The following MED10 variants were observed in gnomAD, a reference collection of about 807,000 sequenced individuals.
MED10 encodes mediator of RNA polymerase II transcription subunit 10.
Under a neutral mutation model 17.2 loss-of-function variants are expected in MED10, and 9 were observed. The ratio of observed to expected loss-of-function variants is 0.52; its 90% CI spans 0.31 to 0.91. The LOEUF is 0.91. MED10 is among the 40% of genes least tolerant of loss of function. The probability of loss-of-function intolerance (pLI) is 0.04; values close to 1 mark genes in which losing one functional copy is unlikely to be tolerated. For synonymous variants in MED10, 66 were observed against 59.8 expected, an observed-to-expected ratio of 1.10 and a Z score of -0.48; for missense variants, 129 against 164.8, an observed-to-expected ratio of 0.78 and a Z score of 1.19.
At chr5:6,373,572 A>C (rs1737930249) in intron 3 of MED10, among the ~76,000 whole-genome samples, 1 of 151,960 alleles carries the variant, frequency 6.6e-6, no homozygotes, top group East Asian at 1.9e-4. Context: ...AGATGACAGG[A>C]GAAAAGAACA....
Position 6,372,356 on chromosome 5 carries a change from T to G in MED10, c.*147A>C. On this transcript the variant is annotated 3_prime_UTR_variant, in exon 4 of 4. Transcript: ENST00000255764. ...CCTCTCCTCCAGCCCCTCGGTCCCA[T>G]GAGGCCAAACAATGAGGACAGAGGG... The G allele has an allele frequency of 2.8e-4, 178 of 645,980 alleles. No homozygotes were observed. The highest frequency in any genetic ancestry group is 3.3e-4 in the East Asian group (12 of 36,658). The allele number at this position is 645,980 out of a possible 1,614,324, so 40.0% of individuals were successfully genotyped here.
intron 3 of MED10, among the ~76,000 whole-genome samples, chr5:6,373,275 T>C (rs1022887658): frequency 2.6e-5 from 4 of 152,192 alleles, no homozygotes; most frequent in Non-Finnish European, 4.4e-5. Context: ...TGACCATCCC[T>C]GCCTGCGCAC....
intron 3 of MED10, among the ~76,000 whole-genome samples, chr5:6,373,637 C>T (rs1038272409): frequency 4.6e-5 from 7 of 152,046 alleles, no homozygotes; most frequent in African/African-American, 1.7e-4. Flanking sequence ...GCGTGGATGG[C>T]CGGGAGGAGG....
At chr5:6,373,161 G>T (rs1018047322) in intron 3 of MED10, among the ~76,000 whole-genome samples, 5 of 152,128 alleles carry the variant, frequency 3.3e-5, no homozygotes, top group African/African-American at 1.2e-4. Flanking sequence ...CACCTGAATG[G>T]GATTCTGGAA....
chr5:6,372,236 C>G lies in MED10; in HGVS notation c.*267G>C, dbSNP rs1304074590. On this transcript the variant is annotated 3_prime_UTR_variant, in exon 4 of 4. Coordinates refer to ENST00000255764, the MANE Select transcript of MED10 (RefSeq NM_032286.3). ...ACTATTTTCCTGCGCCTCATCTGCC[C>G]TCAGAGAGAATGATCCCCACAGTGA... The G allele has an allele frequency of 7.2e-6, 3 of 415,440 alleles. No homozygotes were observed. The highest frequency in any genetic ancestry group is 6.0e-5 in the African/African-American group (3 of 49,622). The allele number at this position is 415,440 out of a possible 1,614,324, so 25.7% of individuals were successfully genotyped here.
chr5:6,375,324 C>T lies in MED10; in HGVS notation c.207-898G>A, dbSNP rs748392403. On this transcript the variant is annotated intron_variant, in intron 2 of 3. Coordinates refer to ENST00000255764, the MANE Select transcript of MED10 (RefSeq NM_032286.3). ...AAAAACTGAAAACTAACTCTACTTT[C>T]GAATTTTATAATTGAGGCCAAAAAT... Among the ~76,000 whole-genome samples, 116 of 152,196 alleles carry T rather than the reference C, an allele frequency of 7.6e-4. No individual in the cohort carries two copies. In the South Asian group the frequency reaches 0.011, roughly 14 times the overall value.
chr5:6,378,503 C>T lies in MED10; in HGVS notation c.-20G>A, dbSNP rs754033711. ...CGCCATCGCCTCGGCCCGTCCCCGA[C>T]CCACACAGCCTCAACCAGCAGCGCC... On this transcript the variant is annotated 5_prime_UTR_variant, in exon 1 of 4. Coordinates refer to ENST00000255764, the MANE Select transcript of MED10 (RefSeq NM_032286.3). 2 of 1,605,618 alleles carry T rather than the reference C, an allele frequency of 1.2e-6. No homozygotes were observed. The highest frequency in any genetic ancestry group is 4.5e-5 in the East Asian group (2 of 44,594).
intron 2 of MED10, among the ~76,000 whole-genome samples, chr5:6,375,427 T>A (rs931263072): frequency 2.6e-5 from 4 of 152,230 alleles, no homozygotes; most frequent in Non-Finnish European, 5.9e-5. Context: ...TAGCAAAAGA[T>A]AAAAACATCA....
In MED10 at chr5:6,372,466, A is replaced by G. The variant is rs557040553; in HGVS notation, c.*37T>C. 27 of 1,569,230 alleles carry G rather than the reference A, an allele frequency of 1.7e-5. No individual in the cohort carries two copies. The South Asian group carries it at 2.1e-4, about 12-fold the overall frequency. ...CAGTCCCAGCCTCACGCCGCATCGCAGTCCCAGGGGATCTTCACACAGGGA... is the reference window on the plus strand; with the variant it reads ...CAGTCCCAGCCTCACGCCGCATCGCGGTCCCAGGGGATCTTCACACAGGGA... On this transcript the variant is annotated 3_prime_UTR_variant, in exon 4 of 4. Coordinates refer to ENST00000255764, the MANE Select transcript of MED10 (RefSeq NM_032286.3).
chr5:6,378,247 GC>G (rs1329286783), intron 1 of MED10, 114 bp downstream of exon 1: 5 of 1,380,894 alleles, frequency 3.6e-6, no homozygotes, highest in Non-Finnish European at 4.8e-6. Flanking sequence ...CAGAGGGCTG[GC>G]GGGGCACGAG....
chr5:6,374,539 G>A, intron 2 of MED10, 113 bp from the exon 3 acceptor site: 2 of 739,766 alleles, frequency 2.7e-6, no homozygotes, highest in African/African-American at 1.7e-5. Context: ...ACACGGCCTT[G>A]TTTAGACAAA....
intron 1 of MED10, among the ~76,000 whole-genome samples, chr5:6,377,618 A>G (rs997187847): frequency 2.0e-4 from 30 of 152,218 alleles, no homozygotes; most frequent in Non-Finnish European, 3.8e-4. Context: ...TCTGAGGGAA[A>G]GAAAGCCATA....
At chr5:6,378,328 G>C in intron 1 of MED10, 34 bp downstream of exon 1, 1 of 1,564,144 alleles carries the variant, frequency 6.4e-7, no homozygotes, top group East Asian at 2.4e-5. Context: ...GCCAGGCCCT[G>C]GGGAGACCCC....
At chr5:6,376,433 G>C (rs762564853) in intron 2 of MED10, among the ~76,000 whole-genome samples, 1 of 152,214 alleles carries the variant, frequency 6.6e-6, no homozygotes, top group Non-Finnish European at 1.5e-5. Flanking sequence ...CGGGGGTTTC[G>C]TCTTAACTCT....
At chr5:6,373,639 G>A (rs373016300) in intron 3 of MED10, among the ~76,000 whole-genome samples, 16 of 152,268 alleles carry the variant, frequency 1.1e-4, no homozygotes, top group East Asian at 5.8e-4. Context: ...GTGGATGGCC[G>A]GGAGGAGGAA....
intron 3 of MED10, among the ~76,000 whole-genome samples, chr5:6,373,659 A>G (rs1014274326): frequency 3.3e-5 from 5 of 152,198 alleles, no homozygotes; most frequent in African/African-American, 9.6e-5. Flanking sequence ...AGAGGCACCT[A>G]TTGTGAGCTG....
Position 6,377,274 on chromosome 5 carries a change from C to A in MED10, c.123-25G>T, listed in dbSNP as rs765571411. 1.9e-6 allele frequency: 3 copies of A among 1,570,742 alleles called. No homozygotes were observed. The African/African-American group carries it at 4.1e-5, about 21-fold the overall frequency. On this transcript the variant is annotated intron_variant, in intron 1 of 3. Transcript: ENST00000255764. ...CCTGGGGGAAAGGCAAACACACAGG[C>A]ATCTGGTTAATTTCGCTTGACAGCA...
chr5:6,373,613 C>G (rs1270236012), intron 3 of MED10, among the ~76,000 whole-genome samples: 1 of 152,066 alleles, frequency 6.6e-6, no homozygotes. Flanking sequence ...ATTCCAGAAC[C>G]GAAAACCAGG....
intron 2 of MED10, chr5:6,376,963 T>G (rs1738004584): frequency 2.5e-6 from 1 of 405,792 alleles, no homozygotes; most frequent in African/African-American, 2.0e-5. Context: ...TTTTTCGTTT[T>G]GTAATGCCAT....
Sources: gnomAD v4.1 joint callset for allele counts (sites outside exome capture counted in the v4.1 genomes callset) on GRCh38, gnomAD v4.1.1 for gene constraint, MANE v1.5 for transcripts, NCBI Gene and HGNC (gene_info 2026-07-23, HGNC 2026-07-21) for gene names.